The following CSMD1 variants were observed in gnomAD, a reference collection of about 807,000 sequenced individuals.
CSMD1 encodes CUB and sushi domain-containing protein 1.
CSMD1 carries 213 observed loss-of-function variants against 417.5 expected under a neutral mutation model. That is an observed-to-expected ratio of 0.51 (90% CI 0.46 to 0.57). The LOEUF (loss-of-function observed/expected upper bound fraction) is 0.57, where lower values mean the gene tolerates loss of function less well. Ranked by LOEUF, CSMD1 falls within the 20% of genes least tolerant of loss-of-function variation. CSMD1 has a pLI of 0.00. For missense variants in CSMD1, 6,923 were observed against 4,529.7 expected (o/e 1.53, Z -15.17); for synonymous variants, 2,862 against 1,736.8 (o/e 1.65, Z -16.11).
chr8:3,258,407 C>T (rs1025445148), intron 26 of CSMD1, among the ~76,000 whole-genome samples: 5 of 152,216 alleles, frequency 3.3e-5, no homozygotes, highest in African/African-American at 1.2e-4. Context: ...CATCTCACAC[C>T]AGTTACAATG....
intron 1 of CSMD1, among the ~76,000 whole-genome samples, chr8:4,815,851 G>C (rs1201182104): frequency 2.0e-5 from 3 of 152,064 alleles, no homozygotes; most frequent in Non-Finnish European, 4.4e-5. Context: ...GAAGGGCTGT[G>C]GTTGTTTTAA....
At chr8:4,326,478 G>A (rs779435053) in intron 3 of CSMD1, among the ~76,000 whole-genome samples, 3 of 152,060 alleles carry the variant, frequency 2.0e-5, no homozygotes, top group Non-Finnish European at 4.4e-5. Flanking sequence ...ACATAAGGAA[G>A]TATCAAGAGG....
chr8:3,655,922 G>A (rs982234035), intron 7 of CSMD1, among the ~76,000 whole-genome samples: 1 of 152,148 alleles, frequency 6.6e-6, no homozygotes, highest in Non-Finnish European at 1.5e-5. Flanking sequence ...CAGGAATGAA[G>A]AGCAGGACTG....
intron 10 of CSMD1, among the ~76,000 whole-genome samples, chr8:3,498,552 T>G (rs893696966): frequency 1.3e-5 from 2 of 152,188 alleles, no homozygotes; most frequent in African/African-American, 4.8e-5. Flanking sequence ...TCTCCAAAAA[T>G]TTGAGAAGTT....
At chr8:4,054,845 G>A (rs527893484) in intron 3 of CSMD1, among the ~76,000 whole-genome samples, 22 of 152,268 alleles carry the variant, frequency 1.4e-4, no homozygotes, top group East Asian at 5.8e-4. Flanking sequence ...GCAGCCCACT[G>A]TTTGGAGAGA....
intron 4 of CSMD1, among the ~76,000 whole-genome samples, chr8:4,025,143 T>A (rs968772179): frequency 2.0e-5 from 3 of 152,198 alleles, no homozygotes; most frequent in Admixed American, 2.0e-4. Context: ...AGACTGTAAT[T>A]TTCCATGGAT....
chr8:3,728,191 A>G (rs1158097577), intron 6 of CSMD1, among the ~76,000 whole-genome samples: 1 of 152,186 alleles, frequency 6.6e-6, no homozygotes, highest in East Asian at 1.9e-4. Context: ...TTCTCATGGT[A>G]GTGAATAAGT....
chr8:4,261,793 G>A (rs1189633685), intron 3 of CSMD1, among the ~76,000 whole-genome samples: 2 of 151,874 alleles, frequency 1.3e-5, no homozygotes, highest in African/African-American at 4.8e-5. Context: ...GTTTGATAAT[G>A]GTAATCATTT....
At chr8:4,382,419 C>A (rs1448965363) in intron 3 of CSMD1, among the ~76,000 whole-genome samples, 1 of 152,212 alleles carries the variant, frequency 6.6e-6, no homozygotes, top group Non-Finnish European at 1.5e-5. Flanking sequence ...AGCAAATTAG[C>A]TGTCCTATTG....
rs1460788548 is a variant in CSMD1 at position 4,266,040 on chromosome 8, C to T, written c.415+153913G>A. 2.9e-5 allele frequency among the ~76,000 whole-genome samples: 3 copies of T among 103,728 alleles called. 1 individual carries two copies. Among genetic ancestry groups the T allele is most frequent in the African/African-American group, 7.9e-5 (3 of 38,056 alleles). The allele number at this position is 103,728 out of a possible 152,430, so 68.0% of individuals were successfully genotyped here. A position where few individuals can be genotyped will look rare whatever the true frequency, so the allele number is the denominator to read the frequency against. On this transcript the variant is annotated intron_variant, in intron 3 of 69. Transcript: ENST00000635120. ...CCGGCCCACCGCACTCAGGCTCGCC[C>T]GGCATATTAGCTGATACTGATCACC...
At chr8:3,380,215 G>C (rs1563328808) in intron 18 of CSMD1, among the ~76,000 whole-genome samples, 1 of 152,070 alleles carries the variant, frequency 6.6e-6, no homozygotes, top group African/African-American at 2.4e-5. Context: ...GTTAGAAAGG[G>C]GATCACTAAA....
intron 2 of CSMD1, among the ~76,000 whole-genome samples, chr8:4,425,811 G>A (rs752770393): frequency 6.6e-6 from 1 of 152,106 alleles, no homozygotes; most frequent in African/African-American, 2.4e-5. Context: ...ATTCATATTT[G>A]ATGGTCCAGG....
At chr8:4,981,358 G>C (rs1489651607) in intron 1 of CSMD1, among the ~76,000 whole-genome samples, 2 of 152,158 alleles carry the variant, frequency 1.3e-5, no homozygotes, top group African/African-American at 4.8e-5. Flanking sequence ...TGAAACATCT[G>C]ATAATTTAGA....
At chr8:4,434,108 T>G (rs1798018418) in intron 2 of CSMD1, among the ~76,000 whole-genome samples, 1 of 152,164 alleles carries the variant, frequency 6.6e-6, no homozygotes, top group Non-Finnish European at 1.5e-5. Flanking sequence ...GAGGTTGAAG[T>G]GGGCAGATCA....
chr8:3,225,234 A>T (rs756988054), intron 27 of CSMD1, among the ~76,000 whole-genome samples: 1 of 152,192 alleles, frequency 6.6e-6, no homozygotes, highest in Non-Finnish European at 1.5e-5. Flanking sequence ...AACTAACTCC[A>T]GTAGTTCTTG....
chr8:3,326,129 C>T (rs1224450994), intron 23 of CSMD1, among the ~76,000 whole-genome samples: 4 of 152,156 alleles, frequency 2.6e-5, no homozygotes, highest in Non-Finnish European at 4.4e-5. Flanking sequence ...AATCCAAGCA[C>T]AGAATGGTTT....
At chr8:3,484,011 A>C (rs1042967096) in intron 11 of CSMD1, among the ~76,000 whole-genome samples, 1 of 152,222 alleles carries the variant, frequency 6.6e-6, no homozygotes, top group Non-Finnish European at 1.5e-5. Context: ...CAATAGCTTT[A>C]ATGTAATTCC....
intron 3 of CSMD1, among the ~76,000 whole-genome samples, chr8:4,173,808 T>G (rs1422791035): frequency 1.3e-5 from 2 of 152,128 alleles, no homozygotes; most frequent in Non-Finnish European, 2.9e-5. Context: ...GAGGTGCGCT[T>G]GAGGAACAAT....
intron 3 of CSMD1, among the ~76,000 whole-genome samples, chr8:4,052,206 T>C (rs920959088): frequency 9.9e-5 from 15 of 152,122 alleles, no homozygotes; most frequent in African/African-American, 3.4e-4. Flanking sequence ...GTTACAGGCA[T>C]GAGCCACCGT....
Sources: allele counts gnomAD v4.1 joint callset (sites outside exome capture counted in the v4.1 genomes callset), GRCh38; gene constraint gnomAD v4.1.1; transcripts MANE v1.5; gene names NCBI Gene and HGNC (gene_info 2026-07-23, HGNC 2026-07-21).